Variants in SMG6 observed in about 807,000 individuals in gnomAD.
The protein encoded by SMG6 is telomerase-binding protein EST1A.
A neutral mutation model predicts 142.2 loss-of-function variants in SMG6; 66 were observed. The observed-to-expected ratio is 0.46, with a 90% CI of 0.38 to 0.57. The LOEUF is 0.57. Among genes scored for constraint, SMG6 ranks in the 20% least tolerant of loss-of-function variants. The probability of loss-of-function intolerance (pLI) is 0.00; values close to 1 mark genes in which losing one functional copy is unlikely to be tolerated. For missense variants in SMG6, 1,793 were observed against 1,832.0 expected, an observed-to-expected ratio of 0.98 and a Z score of 0.39; for synonymous variants, 779 against 702.4, an observed-to-expected ratio of 1.11 and a Z score of -1.72.
chr17:2,086,490 G>A (rs1039212321), intron 13 of SMG6, among the ~76,000 whole-genome samples: 1 of 152,202 alleles, frequency 6.6e-6, no homozygotes, highest in Non-Finnish European at 1.5e-5. Context: ...AGTCAGGCAG[G>A]AAATTGTCAG....
At chr17:2,259,673 CAAAAAAA>C (rs11289865) in intron 8 of SMG6, among the ~76,000 whole-genome samples, 1 of 86,156 alleles carries the variant, frequency 1.2e-5, no homozygotes, top group South Asian at 4.0e-4. Context: ...ACCCTGTCTC[CAAAAAAA>C]AAAAAAAAAA....
chr17:2,267,165 C>T (rs559374878), intron 8 of SMG6, among the ~76,000 whole-genome samples: 2 of 152,306 alleles, frequency 1.3e-5, no homozygotes, highest in Non-Finnish European at 2.9e-5. Flanking sequence ...AGTCAACTCA[C>T]AAAAACCCTA....
At chr17:2,122,428 TA>T in intron 13 of SMG6, 1 of 152,218 alleles carries the variant, frequency 6.6e-6, no homozygotes. Flanking sequence ...TCTCATTAGC[TA>T]TTAAGGAAAA....
At chr17:2,229,286 C>T (rs2073404381) in intron 10 of SMG6, 1 of 152,176 alleles carries the variant, frequency 6.6e-6, no homozygotes, top group African/African-American at 2.4e-5. Flanking sequence ...GAGTGTCACG[C>T]CACTCAGAGA....
chr17:2,181,795 G>A lies in SMG6; in HGVS notation c.3155+4868C>T, dbSNP rs116804368. Reference sequence around the variant, plus strand: ...TGGGCAGCAGCTCAGAGCCGGCAACGGGCCATTTGCTGCAGCATCCAAAGA... The same window carrying A: ...TGGGCAGCAGCTCAGAGCCGGCAACAGGCCATTTGCTGCAGCATCCAAAGA... On this transcript the variant is annotated intron_variant, in intron 12 of 18. Transcript: ENST00000263073. Among the ~76,000 whole-genome samples the A allele has an allele frequency of 3.6e-3, 544 of 152,326 alleles. 5 individuals carry two copies. The highest frequency in any genetic ancestry group is 0.012 in the African/African-American group (502 of 41,570).
At position 2,060,367 on chromosome 17, in the gene SMG6, C is replaced by G. The variant is rs1446899419; in HGVS notation, c.*1125G>C. 1 of 152,262 alleles carries G rather than the reference C, an allele frequency of 6.6e-6. No homozygotes were observed. Among genetic ancestry groups the G allele is most frequent in the African/African-American group, 2.4e-5 (1 of 41,444 alleles). 9.4% of individuals were successfully genotyped at this position (152,262 alleles called of 1,614,324 possible). On this transcript the variant is annotated 3_prime_UTR_variant, in exon 19 of 19. Transcript: ENST00000263073. ...CGGGGAGTGAGGGCAAAGCTAGAAACCAGGTTAGGCGACGGTGCCCCAGCA... is the reference window on the plus strand; with the variant it reads ...CGGGGAGTGAGGGCAAAGCTAGAAAGCAGGTTAGGCGACGGTGCCCCAGCA...
Position 2,282,763 on chromosome 17 carries a change from C to G in SMG6, c.2545G>C (p.Asp849His). ...ATCCAGATCTCCAGGCGAGTGGTGT[C>G]ATCTCCAACATGCCGGAAAGTAGAC... ...KKSTFRHVGD[D>H]TTRLEIWIHP... is the part of the protein sequence containing the mutation. The change falls in exon 8 of 19, where the codon GAC becomes CAC. Residue 849 changes from aspartate (D) to histidine (H), a missense_variant. Asp to His is a moderately conservative substitution (Grantham distance 81). Transcript: ENST00000263073. The G allele has an allele frequency of 6.2e-7, 1 of 1,614,202 alleles. No individual in the cohort carries two copies. Among genetic ancestry groups the G allele is most frequent in the South Asian group, 1.1e-5 (1 of 91,086 alleles).
chr17:2,135,994 TTATGTGTG>T (rs1567626472), intron 13 of SMG6, among the ~76,000 whole-genome samples: 1 of 98,852 alleles, frequency 1.0e-5, no homozygotes, highest in African/African-American at 4.1e-5. Flanking sequence ...ATATATATAT[TTATGTGTG>T]TGTGTGTGTG....
Position 2,214,696 on chromosome 17 carries a change from G to A in SMG6, c.2869+21796C>T, listed in dbSNP as rs139689278. Among the ~76,000 whole-genome samples the A allele has an allele frequency of 3.3e-5, 5 of 152,332 alleles. No homozygotes were observed. The East Asian group carries it at 9.6e-4, about 29-fold the overall frequency. Reference sequence around the variant, plus strand: ...GTGACTGTCATTCTTAATTGTCCATGCAAAATCCTCCCGGTTAAATTCCAT... The same window carrying A: ...GTGACTGTCATTCTTAATTGTCCATACAAAATCCTCCCGGTTAAATTCCAT... On this transcript the variant is annotated intron_variant, in intron 10 of 18. Coordinates refer to ENST00000263073, the MANE Select transcript of SMG6 (RefSeq NM_017575.5).
chr17:2,295,615 C>T (rs1346335962), intron 4 of SMG6, among the ~76,000 whole-genome samples: 2 of 152,086 alleles, frequency 1.3e-5, no homozygotes, highest in Non-Finnish European at 2.9e-5. Flanking sequence ...GACAATTTTA[C>T]CTACCCCCAC....
chr17:2,289,141 T>C (rs1042953282), intron 6 of SMG6, among the ~76,000 whole-genome samples: 2 of 151,190 alleles, frequency 1.3e-5, no homozygotes, highest in Non-Finnish European at 2.9e-5. Context: ...TTGCATCTAT[T>C]TGGGGGGCTG....
intron 12 of SMG6, among the ~76,000 whole-genome samples, chr17:2,174,686 A>T (rs1307854855): frequency 6.6e-6 from 1 of 152,206 alleles, no homozygotes; most frequent in Non-Finnish European, 1.5e-5. Context: ...AGTTTTCTAA[A>T]GCCTCTCTCA....
In SMG6 at chr17:2,127,856, C is replaced by T. The variant is rs112107644; in HGVS notation, c.3358-41955G>A. The T allele has an allele frequency of 4.8e-3, 2,634 of 554,218 alleles. 57 individuals are homozygous for T. Among genetic ancestry groups the T allele is most frequent in the African/African-American group, 0.043 (2,280 of 52,768 alleles). The allele number at this position is 554,218 out of a possible 1,614,324, so 34.3% of individuals were successfully genotyped here. On this transcript the variant is annotated intron_variant, in intron 13 of 18. Coordinates refer to ENST00000263073, the MANE Select transcript of SMG6 (RefSeq NM_017575.5). ...GTCTGAGACATTATTTGCTGAAGAG[C>T]GATCTCCTGCTTCATCTTGGTGGCC...
At chr17:2,149,019 G>C (rs2070748972) in intron 13 of SMG6, among the ~76,000 whole-genome samples, 1 of 152,096 alleles carries the variant, frequency 6.6e-6, no homozygotes, top group Non-Finnish European at 1.5e-5. Flanking sequence ...ACAACAGTTT[G>C]AATGTACTTA....
At chr17:2,144,636 T>C (rs1467521478) in intron 13 of SMG6, among the ~76,000 whole-genome samples, 1 of 152,160 alleles carries the variant, frequency 6.6e-6, no homozygotes, top group East Asian at 1.9e-4. Context: ...GAGTAGAAGC[T>C]GCTTTTTTCC....
intron 10 of SMG6, among the ~76,000 whole-genome samples, chr17:2,202,757 T>C (rs566367344): frequency 6.6e-6 from 1 of 152,342 alleles, no homozygotes; most frequent in African/African-American, 2.4e-5. Context: ...TTGGCACTGA[T>C]AACCTGCTTT....
intron 10 of SMG6, among the ~76,000 whole-genome samples, chr17:2,198,859 G>A (rs922012918): frequency 1.1e-4 from 17 of 151,186 alleles, no homozygotes; most frequent in African/African-American, 3.9e-4. Flanking sequence ...TCTGCTGCCT[G>A]GCCTGAGCTG....
At chr17:2,078,084 G>A (rs2068309499) in intron 15 of SMG6, among the ~76,000 whole-genome samples, 1 of 152,166 alleles carries the variant, frequency 6.6e-6, no homozygotes. Context: ...TGGAGGCAGT[G>A]CAGTGAATAG....
intron 11 of SMG6, among the ~76,000 whole-genome samples, chr17:2,187,353 G>C: frequency 6.6e-6 from 1 of 152,216 alleles, no homozygotes; most frequent in East Asian, 1.9e-4. Context: ...GGATCCCAGA[G>C]CAGAAAACAA....
Sources: gnomAD v4.1 joint callset for allele counts (sites outside exome capture counted in the v4.1 genomes callset) on GRCh38, gnomAD v4.1.1 for gene constraint, MANE v1.5 for transcripts, NCBI Gene and HGNC (gene_info 2026-07-23, HGNC 2026-07-21) for gene names.